FAM234B: variants seen among roughly 807,000 people sequenced by gnomAD.
FAM234B encodes family with sequence similarity 234 member B.
In FAM234B, 33 loss-of-function variants were observed where a neutral mutation model predicts 69.3. The observed-to-expected ratio is 0.48, with a 90% CI of 0.36 to 0.64. FAM234B has a LOEUF of 0.64. Ranked by LOEUF, FAM234B falls within the 30% of genes least tolerant of loss-of-function variation. The pLI is 0.00. For synonymous variants in FAM234B, 306 were observed against 306.9 expected (o/e 1.00, Z 0.03); for missense variants, 697 against 769.7 (o/e 0.91, Z 1.12).
At chr12:13,071,740 T>C (rs1431610408) in intron 10 of FAM234B, among the ~76,000 whole-genome samples, 1 of 152,040 alleles carries the variant, frequency 6.6e-6, no homozygotes, top group African/African-American at 2.4e-5. Flanking sequence ...ATGACTGGTC[T>C]GAAGTGGGCA....
At chr12:13,055,006 C>T (rs1031917117) in intron 1 of FAM234B, among the ~76,000 whole-genome samples, 5 of 152,196 alleles carry the variant, frequency 3.3e-5, no homozygotes, top group Non-Finnish European at 5.9e-5. Flanking sequence ...AGTGAGATTT[C>T]AATACATCTT....
At position 13,056,065 on chromosome 12, in the gene FAM234B, C is replaced by T. The variant is rs369539192; in HGVS notation, c.433+119C>T. On this transcript the variant is annotated intron_variant, in intron 2 of 12. Transcript: ENST00000197268. The stretch of plus-strand genomic sequence containing the variant: ...TGTCATGCGGCATTCCCCACCCTGC[C>T]GTCCCCACTGTGTGGAGGTGGCAAG... The T allele has an allele frequency of 1.7e-4, 178 of 1,071,180 alleles. No individual in the cohort carries two copies. The African/African-American group carries it at 2.3e-3, about 14-fold the overall frequency. The allele number at this position is 1,071,180 out of a possible 1,614,324, so 66.4% of individuals were successfully genotyped here.
chr12:13,049,511 T>C (rs942138207), intron 1 of FAM234B, among the ~76,000 whole-genome samples: 2 of 152,046 alleles, frequency 1.3e-5, no homozygotes, highest in African/African-American at 4.8e-5. Flanking sequence ...CTTGGAAGAG[T>C]GTAGGATAAG....
At position 13,079,963 on chromosome 12, in the gene FAM234B, T is replaced by A; in HGVS notation, c.1817T>A (p.Leu606Gln). The stretch of plus-strand genomic sequence containing the variant: ...ACCCCCAAAATTGGCCGTGGGGAGC[T>A]GCGAAGATTTCTCTCTAGGATAAAG... ...ESTPKIGRGE[L>Q]RRFLSRIKFV... The change falls in exon 12 of 13, where the codon CTG (leucine) becomes CAG (glutamine). Residue 606 changes from leucine to glutamine, a missense_variant. By Grantham distance (113) the Leu-to-Gln change is moderately radical (BLOSUM62 -2). Coordinates refer to ENST00000197268, the MANE Select transcript of FAM234B (RefSeq NM_020853.2). The A allele has an allele frequency of 6.2e-7, 1 of 1,612,080 alleles. No homozygotes were observed. The highest frequency in any genetic ancestry group is 8.5e-7 in the Non-Finnish European group (1 of 1,179,160).
At chr12:13,068,913 A>G (rs891238608) in intron 9 of FAM234B, among the ~76,000 whole-genome samples, 1 of 152,164 alleles carries the variant, frequency 6.6e-6, no homozygotes, top group African/African-American at 2.4e-5. Flanking sequence ...TTTCTAGGAT[A>G]ATCTCCTTCC....
At chr12:13,045,683 T>C (rs536151363) in intron 1 of FAM234B, among the ~76,000 whole-genome samples, 11 of 152,324 alleles carry the variant, frequency 7.2e-5, no homozygotes, top group African/African-American at 2.6e-4. Flanking sequence ...GCATCTGCCT[T>C]GGAATGTGTG....
At chr12:13,074,547 A>C (rs1326765322) in intron 10 of FAM234B, among the ~76,000 whole-genome samples, 6 of 152,170 alleles carry the variant, frequency 3.9e-5, no homozygotes, top group Non-Finnish European at 8.8e-5. Context: ...GCATGGATTG[A>C]GGGTGATGAT....
At chr12:13,062,035 C>T (rs1313531517) in intron 4 of FAM234B, 3 of 302,810 alleles carry the variant, frequency 9.9e-6, no homozygotes, top group Admixed American at 4.9e-5. Flanking sequence ...AATAGTCTCC[C>T]AACTCTGTTC....
chr12:13,045,303 C>G (rs1864795573), intron 1 of FAM234B, among the ~76,000 whole-genome samples: 1 of 151,292 alleles, frequency 6.6e-6, no homozygotes, highest in Admixed American at 6.6e-5. Context: ...TATATTTATT[C>G]CACCCAAGTA....
intron 5 of FAM234B, among the ~76,000 whole-genome samples, chr12:13,064,066 A>G (rs763548368): frequency 1.3e-5 from 2 of 152,204 alleles, no homozygotes; most frequent in Non-Finnish European, 2.9e-5. Flanking sequence ...AGAGTGCCCC[A>G]TCAGTCATGA....
intron 10 of FAM234B, 127 bp downstream of exon 10, chr12:13,071,523 C>A: frequency 1.2e-6 from 1 of 846,540 alleles, no homozygotes; most frequent in Non-Finnish European, 1.8e-6. Flanking sequence ...AACAAGTCAG[C>A]ACTCGCTGGA....
rs1030733407 is a variant in FAM234B, at chr12:13,082,360, A to G, written c.*1730A>G. On this transcript the variant is annotated 3_prime_UTR_variant, in exon 13 of 13. Coordinates refer to ENST00000197268, the MANE Select transcript of FAM234B (RefSeq NM_020853.2). ...CTCTGTTAATTACCCACTGACAGGC[A>G]TTATGACCTAACAGGAGGTTGGTAG... The G allele has an allele frequency of 6.6e-6, 1 of 152,214 alleles. No individual in the cohort carries two copies. Among genetic ancestry groups the G allele is most frequent in the Admixed American group, 6.5e-5 (1 of 15,278 alleles). 9.4% of individuals were successfully genotyped at this position (152,214 alleles called of 1,614,324 possible).
chr12:13,062,802 G>A (rs368875135), intron 4 of FAM234B, 43 bp from the exon 5 acceptor site: 1 of 1,606,242 alleles, frequency 6.2e-7, no homozygotes, highest in Non-Finnish European at 8.5e-7. Context: ...TTTTCCAAAG[G>A]CAAGAAGTTG....
rs187850441 is a variant in FAM234B, at chr12:13,063,877, A to G, written c.852+902A>G. 3.8e-3 allele frequency among the ~76,000 whole-genome samples: 574 copies of G among 152,352 alleles called. 5 individuals are homozygous for G. The highest frequency in any genetic ancestry group is 3.7e-3 in the Non-Finnish European group (250 of 68,030). On this transcript the variant is annotated intron_variant, in intron 5 of 12. Transcript: ENST00000197268. ...AGAATGTTTGTGGAAAAATGTGGAT[A>G]TGGCTAATTTTGTCTCATTTGATAA...
intron 11 of FAM234B, among the ~76,000 whole-genome samples, chr12:13,078,045 T>C (rs1411596724): frequency 6.6e-6 from 1 of 151,156 alleles, no homozygotes; most frequent in Non-Finnish European, 1.5e-5. Flanking sequence ...TTTCATGTGT[T>C]TTTTGGCTGC....
Position 13,080,638 on chromosome 12 carries a change from G to T in FAM234B, c.*8G>T. The T allele has an allele frequency of 6.2e-7, 1 of 1,604,692 alleles. No homozygotes were observed. The highest frequency in any genetic ancestry group is 8.5e-7 in the Non-Finnish European group (1 of 1,171,586). ...CTTTTTCCATAGATCTAATCTGATG[G>T]AATCTTCAGTTGCAGAAGAAGTGAA... is the stretch of plus-strand genomic sequence containing the variant. On this transcript the variant is annotated 3_prime_UTR_variant, in exon 13 of 13. Coordinates refer to ENST00000197268, the MANE Select transcript of FAM234B (RefSeq NM_020853.2).
Position 13,068,398 on chromosome 12 carries a change from G to A in FAM234B, c.1237G>A (p.Gly413Arg). The change falls in exon 8 of 13, where the codon GGG becomes AGG. Residue 413 changes from glycine to arginine, a missense_variant. Gly to Arg is a moderately radical substitution (Grantham distance 125). Around this residue, in one of 3 missense-constraint regions of FAM234B, gnomAD observed 313 missense variants for 305.5 expected, o/e 1.02. Coordinates refer to ENST00000197268, the MANE Select transcript of FAM234B (RefSeq NM_020853.2). Reference sequence around the variant, plus strand: ...CAGACAAAGCCTTGTGCTGCTTCGGGGGCAAAATCTGACACCTTACTGGGC... The same window carrying A: ...CAGACAAAGCCTTGTGCTGCTTCGGAGGCAAAATCTGACACCTTACTGGGC... ...TTRQSLVLLR[G>R]QNLTPYWALR... 1 of 1,614,144 alleles carries A rather than the reference G, an allele frequency of 6.2e-7. No homozygotes were observed. Among genetic ancestry groups the A allele is most frequent in the Non-Finnish European group, 8.5e-7 (1 of 1,180,018 alleles).
chr12:13,068,138 T>A (rs1290905582), intron 7 of FAM234B, among the ~76,000 whole-genome samples, 166 bp from the exon 8 acceptor site: 1 of 152,178 alleles, frequency 6.6e-6, no homozygotes, highest in Non-Finnish European at 1.5e-5. Context: ...GTCAAGAAAA[T>A]GAGATTCAAC....
chr12:13,055,864 G>T lies in FAM234B; in HGVS notation c.351G>T (p.Leu117=). ...TGACTTTGGGGATCTCGATGATCCT[G>T]GTGCTCCTGTGTGCTTTCCTGATCC... is the stretch of plus-strand genomic sequence containing the variant. ...FLLTLGISMI[L]VLLCAFLIPC... is the part of the protein sequence containing the mutation. Residue 117 remains leucine (L), a synonymous_variant, in exon 2 of 13, where the codon CTG becomes CTT. Coordinates refer to ENST00000197268, the MANE Select transcript of FAM234B (RefSeq NM_020853.2). 1 of 1,613,846 alleles carries T rather than the reference G, an allele frequency of 6.2e-7. No individual in the cohort carries two copies. The highest frequency in any genetic ancestry group is 1.1e-5 in the South Asian group (1 of 91,030).
Sources: gnomAD v4.1 joint callset for allele counts (sites outside exome capture counted in the v4.1 genomes callset) on GRCh38, gnomAD v4.1.1 for gene constraint, gnomAD v4.1.1 regional missense constraint, MANE v1.5 for transcripts, NCBI Gene and HGNC (gene_info 2026-07-23, HGNC 2026-07-21) for gene names.